NF1: variants seen among roughly 807,000 people sequenced by gnomAD.
The protein encoded by NF1 is neurofibromin 1.
A neutral mutation model predicts 325.7 loss-of-function variants in NF1; 122 were observed. The observed-to-expected ratio is 0.37, with a 90% CI of 0.32 to 0.44. NF1 has a LOEUF of 0.44. NF1 is among the 20% of genes least tolerant of loss of function. The pLI is 1.00. For synonymous variants in NF1, 1,091 were observed against 1,186.0 expected (o/e 0.92, Z 1.65); for missense variants, 2,140 against 3,415.4 (o/e 0.63, Z 9.31).
At chr17:31,256,858 A>C (rs561824539) in intron 31 of NF1, among the ~76,000 whole-genome samples, 31 of 152,330 alleles carry the variant, frequency 2.0e-4, no homozygotes, top group Admixed American at 1.0e-3. Flanking sequence ...TTCCTGAACT[A>C]TGTGTAGTGT....
intron 1 of NF1, among the ~76,000 whole-genome samples, chr17:31,128,063 T>A (rs1915035482): frequency 6.6e-6 from 1 of 151,826 alleles, no homozygotes; most frequent in South Asian, 2.1e-4. Flanking sequence ...CACCTCAGCC[T>A]CCCGAGTAGC....
At chr17:31,182,908 T>G (rs552807381) in intron 8 of NF1, 21 of 602,512 alleles carry the variant, frequency 3.5e-5, no homozygotes, top group Admixed American at 1.2e-4. Flanking sequence ...AGTTTCATTC[T>G]TTTGTCTGAG....
chr17:31,352,158 G>T (rs1302217916), intron 50 of NF1, 99 bp from the exon 51 acceptor site: 4 of 1,069,970 alleles, frequency 3.7e-6, no homozygotes, highest in Non-Finnish European at 5.7e-6. Context: ...TTAATTGATT[G>T]CTGTTGTTAG....
At chr17:31,240,538 C>T (rs2067278182) in intron 29 of NF1, among the ~76,000 whole-genome samples, 1 of 152,164 alleles carries the variant, frequency 6.6e-6, no homozygotes, top group Non-Finnish European at 1.5e-5. Flanking sequence ...CTGCAACAAA[C>T]ATGGGAGTGC....
At chr17:31,200,311 G>T in intron 8 of NF1, 111 bp from the exon 9 acceptor site, 1 of 878,162 alleles carries the variant, frequency 1.1e-6, no homozygotes, top group Non-Finnish European at 1.8e-6. Context: ...TATAAATTAT[G>T]CATTCTTTAT....
At chr17:31,126,210 T>C (rs966214160) in intron 1 of NF1, among the ~76,000 whole-genome samples, 11 of 152,084 alleles carry the variant, frequency 7.2e-5, no homozygotes, top group African/African-American at 2.7e-4. Flanking sequence ...AAAAAAATTA[T>C]GTATCTGGTG....
intron 47 of NF1, among the ~76,000 whole-genome samples, chr17:31,341,854 C>T (rs2069834250): frequency 1.3e-5 from 2 of 151,872 alleles, no homozygotes; most frequent in South Asian, 4.1e-4. Context: ...AAATTACGTC[C>T]CTTTTGTCTT....
At chr17:31,143,698 G>A (rs1331271227) in intron 1 of NF1, among the ~76,000 whole-genome samples, 1 of 152,164 alleles carries the variant, frequency 6.6e-6, no homozygotes, top group Non-Finnish European at 1.5e-5. Context: ...ATTTGTGTGT[G>A]AATATGAATA....
intron 36 of NF1, chr17:31,295,683 A>G (rs1458654653): frequency 1.9e-6 from 3 of 1,614,100 alleles, no homozygotes; most frequent in Non-Finnish European, 2.5e-6. Context: ...ATCTCTTGCA[A>G]CTGAAAGAGT....
At chr17:31,129,614 A>G (rs1016986805) in intron 1 of NF1, among the ~76,000 whole-genome samples, 1 of 151,886 alleles carries the variant, frequency 6.6e-6, no homozygotes, top group Non-Finnish European at 1.5e-5. Flanking sequence ...TATTTTTCGT[A>G]GAGACGGGGT....
intron 4 of NF1, among the ~76,000 whole-genome samples, chr17:31,168,646 G>C (rs971790406): frequency 1.3e-5 from 2 of 152,024 alleles, no homozygotes; most frequent in Non-Finnish European, 2.9e-5. Flanking sequence ...TGGCTGGGGG[G>C]GGACAAGAAT....
chr17:31,265,438 G>A, intron 36 of NF1, 99 bp downstream of exon 36: 1 of 841,802 alleles, frequency 1.2e-6, no homozygotes, highest in Non-Finnish European at 2.0e-6. Context: ...GACTTAACAG[G>A]AATTGAAGAC....
rs1555536761 is a variant in NF1 at position 31,357,344 on chromosome 17, G to A, written c.7945G>A (p.Val2649Met). 6.2e-7 allele frequency: 1 copy of A among 1,613,836 alleles called. No individual in the cohort carries two copies. The highest frequency in any genetic ancestry group is 8.5e-7 in the Non-Finnish European group (1 of 1,179,762). The stretch of plus-strand genomic sequence containing the variant: ...TGAATACTTAGCAGAGGCCAGTGTT[G>A]TGTTTCCCAAAGTCTTTCCTGTTGT... Reference protein sequence around the residue: ...LYEYLAEASVVFPKVFPVVHN... With the variant: ...LYEYLAEASVMFPKVFPVVHN... The change falls in exon 54 of 58, where the codon GTG becomes ATG. Residue 2649 changes from valine (V) to methionine (M), a missense_variant. Around this residue, in one of 10 missense-constraint regions of NF1, gnomAD observed 522 missense variants for 749.0 expected, o/e 0.70. Transcript: ENST00000358273.
intron 48 of NF1, chr17:31,345,500 C>T (rs2069950529): frequency 6.7e-7 from 1 of 1,503,278 alleles, no homozygotes; most frequent in African/African-American, 1.4e-5. Context: ...GTTTGACCGC[C>T]CCCCTCCTCG....
At chr17:31,239,206 G>A (rs999516519) in intron 29 of NF1, among the ~76,000 whole-genome samples, 1 of 152,206 alleles carries the variant, frequency 6.6e-6, no homozygotes, top group Non-Finnish European at 1.5e-5. Context: ...TGTAAGAACA[G>A]ATGGGTAATG....
chr17:31,259,272 T>C lies in NF1; in HGVS notation c.4430+143T>C, dbSNP rs1351131940. 6 of 584,468 alleles carry C rather than the reference T, an allele frequency of 1.0e-5. No homozygotes were observed. The Admixed American group carries it at 1.8e-4, about 17-fold the overall frequency. 36.2% of individuals were successfully genotyped at this position (584,468 alleles called of 1,614,324 possible). On this transcript the variant is annotated intron_variant, in intron 33 of 57. Coordinates refer to ENST00000358273, the MANE Select transcript of NF1 (RefSeq NM_001042492.3). ...CTAGGTCAAGACATAGCTTGTCTTA[T>C]TTTATTTTACTATAAAAGACAGTCA...
chr17:31,234,814 A>G (rs2067173596), intron 27 of NF1, among the ~76,000 whole-genome samples: 1 of 152,128 alleles, frequency 6.6e-6, no homozygotes, highest in Admixed American at 6.6e-5. Context: ...TGGATCAGGC[A>G]AGAATTAGAG....
chr17:31,374,125 C>A lies in NF1; in HGVS notation c.8490C>A (p.Phe2830Leu), dbSNP rs760550772. 4.2e-5 allele frequency: 68 copies of A among 1,613,952 alleles called. No individual in the cohort carries two copies. The highest frequency in any genetic ancestry group is 5.0e-5 in the Non-Finnish European group (59 of 1,179,974). The change falls in exon 58 of 58, where the codon TTC becomes TTA. Residue 2830 changes from phenylalanine (F) to leucine (L), a missense_variant. Around this residue, in one of 10 missense-constraint regions of NF1, gnomAD observed 522 missense variants for 749.0 expected, o/e 0.70. Transcript: ENST00000358273. ...QVQKQRSAGS[F>L]KRNSIKKIV is the part of the protein sequence containing the mutation. Reference sequence around the variant, plus strand: ...AGAAGCAAAGAAGCGCTGGCAGTTTCAAACGTAATAGCATTAAGAAGATCG... The same window carrying A: ...AGAAGCAAAGAAGCGCTGGCAGTTTAAAACGTAATAGCATTAAGAAGATCG...
rs2069868324 is a variant in NF1 at position 31,343,084 on chromosome 17, C to G, written c.7138C>G (p.Leu2380Val). The G allele has an allele frequency of 6.2e-7, 1 of 1,613,982 alleles. No homozygotes were observed. Among genetic ancestry groups the G allele is most frequent in the South Asian group, 1.1e-5 (1 of 91,078 alleles). ...CAAGCAAATGGATCATTTTGTTGGACTCAATTTCAACTCTAACTTTAACTT... is the reference window on the plus strand; with the variant it reads ...CAAGCAAATGGATCATTTTGTTGGAGTCAATTTCAACTCTAACTTTAACTT... The part of the protein sequence containing the change: ...HCKQMDHFVG[L>V]NFNSNFNFAL... Residue 2380 changes from leucine (L) to valine (V), a missense_variant, in exon 48 of 58, where the codon CTC becomes GTC. Transcript: ENST00000358273.
Sources: allele counts gnomAD v4.1 joint callset (sites outside exome capture counted in the v4.1 genomes callset), GRCh38; gene constraint gnomAD v4.1.1; regional missense constraint gnomAD v4.1.1; transcripts MANE v1.5; gene names NCBI Gene and HGNC (gene_info 2026-07-23, HGNC 2026-07-21).